Variants in FAM171A1 observed in about 807,000 individuals in gnomAD.
FAM171A1 encodes the protein protein FAM171A1.
FAM171A1 carries 23 observed loss-of-function variants against 74.9 expected under a neutral mutation model. The ratio of observed to expected loss-of-function variants is 0.31; its 90% CI spans 0.22 to 0.44. The LOEUF is 0.44. FAM171A1 is among the 20% of genes least tolerant of loss of function. The pLI is 1.00. For missense variants in FAM171A1, 1,162 were observed against 1,159.2 expected (o/e 1.00, Z -0.03); for synonymous variants, 527 against 505.7 (o/e 1.04, Z -0.57).
rs368440192 is a variant in FAM171A1, at chr10:15,245,191, G to A, written c.754+3448C>T. Among the ~76,000 whole-genome samples, 17 of 152,090 alleles carry A rather than the reference G, an allele frequency of 1.1e-4. No individual in the cohort carries two copies. In the South Asian group the frequency reaches 3.3e-3, roughly 30 times the overall value. On this transcript the variant is annotated intron_variant, in intron 5 of 7. Coordinates refer to ENST00000378116, the MANE Select transcript of FAM171A1 (RefSeq NM_001010924.2). Reference sequence around the variant, plus strand: ...AGTGATTCTCCTGCCTCAGCCTCTGGCGTAGCTGGGATTATAGGCATGCAC... The same window carrying A: ...AGTGATTCTCCTGCCTCAGCCTCTGACGTAGCTGGGATTATAGGCATGCAC...
chr10:15,281,575 A>T (rs1487554968), intron 2 of FAM171A1, among the ~76,000 whole-genome samples: 2 of 152,180 alleles, frequency 1.3e-5, no homozygotes, highest in South Asian at 4.1e-4. Flanking sequence ...AATAGTACAG[A>T]TATCAGCCGG....
chr10:15,246,475 T>C (rs1002851160), intron 5 of FAM171A1, among the ~76,000 whole-genome samples: 87 of 152,336 alleles, frequency 5.7e-4, no homozygotes, highest in Admixed American at 1.5e-3. Flanking sequence ...CCCAATTATC[T>C]TCATGCATGG....
chr10:15,233,933 A>C (rs1387449168), intron 5 of FAM171A1, among the ~76,000 whole-genome samples: 2 of 151,358 alleles, frequency 1.3e-5, no homozygotes, highest in Non-Finnish European at 2.9e-5. Context: ...GACATCAAAA[A>C]TGTGATACAT....
intron 3 of FAM171A1, among the ~76,000 whole-genome samples, chr10:15,274,961 A>T (rs1054725026): frequency 7.2e-5 from 11 of 152,192 alleles, no homozygotes; most frequent in Non-Finnish European, 1.3e-4. Flanking sequence ...AGGGACATGG[A>T]TGAAGCTGGA....
At chr10:15,361,385 T>C (rs982548580) in intron 1 of FAM171A1, among the ~76,000 whole-genome samples, 2 of 152,136 alleles carry the variant, frequency 1.3e-5, no homozygotes, top group African/African-American at 4.8e-5. Flanking sequence ...ATGGCTGTTC[T>C]TGAAATCAGA....
chr10:15,226,932 A>G (rs1834116200), intron 5 of FAM171A1, among the ~76,000 whole-genome samples: 1 of 152,140 alleles, frequency 6.6e-6, no homozygotes, highest in African/African-American at 2.4e-5. Context: ...ACCTTATTAC[A>G]GTTCTGTCTG....
intron 1 of FAM171A1, 68 bp downstream of exon 1, chr10:15,370,888 C>T: frequency 1.2e-6 from 1 of 818,632 alleles, no homozygotes; most frequent in Non-Finnish European, 1.5e-6. Context: ...CCGCCGCCGC[C>T]GCCGCCGCCG....
chr10:15,326,916 C>T (rs1030755930), intron 1 of FAM171A1, among the ~76,000 whole-genome samples: 2 of 152,172 alleles, frequency 1.3e-5, no homozygotes, highest in African/African-American at 2.4e-5. Flanking sequence ...GCGTGGCCCA[C>T]GACACTCCGG....
At chr10:15,272,001 C>A (rs923816586) in intron 3 of FAM171A1, among the ~76,000 whole-genome samples, 4 of 152,186 alleles carry the variant, frequency 2.6e-5, no homozygotes, top group African/African-American at 7.2e-5. Context: ...AACCAGCTAA[C>A]ATCATAATGA....
At chr10:15,321,149 G>A (rs1224945267) in intron 1 of FAM171A1, among the ~76,000 whole-genome samples, 1 of 152,150 alleles carries the variant, frequency 6.6e-6, no homozygotes, top group African/African-American at 2.4e-5. Context: ...AGATAATACG[G>A]CATATGTTTT....
intron 5 of FAM171A1, among the ~76,000 whole-genome samples, chr10:15,234,950 C>A (rs957307735): frequency 6.6e-6 from 1 of 152,132 alleles, no homozygotes; most frequent in African/African-American, 2.4e-5. Context: ...GCGTGAGCCA[C>A]CGTGCCGGGC....
Position 15,283,913 on chromosome 10 carries a change from G to A in FAM171A1, c.290C>T (p.Pro97Leu). ...GATTGGCTTCCATGGGGCAGAGTTT[G>A]GCACGTAGGCATGCTTCGAGGCGGT... ...IVTASKHAYV[P>L]NSAPWKPIRL... The change falls in exon 2 of 8, where the codon CCA (proline) becomes CTA (leucine). Residue 97 changes from proline (P) to leucine (L), a missense_variant. Physicochemically the swap from Pro to Leu is moderately conservative, Grantham distance 98. Coordinates refer to ENST00000378116, the MANE Select transcript of FAM171A1 (RefSeq NM_001010924.2). 6.2e-7 allele frequency: 1 copy of A among 1,614,212 alleles called. No individual in the cohort carries two copies. The highest frequency in any genetic ancestry group is 8.5e-7 in the Non-Finnish European group (1 of 1,180,026).
In FAM171A1 at chr10:15,301,363, T is replaced by TATATATA. The variant is rs386361679; in HGVS notation, c.98-17259_98-17258insTATATAT. Among the ~76,000 whole-genome samples the TATATATA allele has an allele frequency of 3.1e-3, 376 of 119,736 alleles. 2 individuals are homozygous for TATATATA. Among genetic ancestry groups the TATATATA allele is most frequent in the African/African-American group, 0.011 (339 of 30,460 alleles). The allele number at this position is 119,736 out of a possible 152,430, so 78.6% of individuals were successfully genotyped here. ...GCCCAGCTATATATATATATATATA[T>TATATATA]TTTTTTTTTTTGTATTTTTAGTAGA... On this transcript the variant is annotated intron_variant, in intron 1 of 7. Coordinates refer to ENST00000378116, the MANE Select transcript of FAM171A1 (RefSeq NM_001010924.2).
At chr10:15,275,740 G>C (rs186981190) in intron 3 of FAM171A1, 115 bp downstream of exon 3, 4 of 615,428 alleles carry the variant, frequency 6.5e-6, no homozygotes, top group Non-Finnish European at 1.1e-5. Context: ...TAATGTGTTT[G>C]ATTTAATCAA....
Position 15,229,227 on chromosome 10 carries a change from G to A in FAM171A1, c.755-8167C>T, listed in dbSNP as rs558291002. ...AGGTCACTTGTGCTGGTGCAGGCAT[G>A]GCCTTGGATTGGGGAACCTGCTGTT... On this transcript the variant is annotated intron_variant, in intron 5 of 7. Coordinates refer to ENST00000378116, the MANE Select transcript of FAM171A1 (RefSeq NM_001010924.2). Among the ~76,000 whole-genome samples the A allele has an allele frequency of 2.0e-4, 31 of 152,310 alleles. No individual in the cohort carries two copies. The South Asian group carries it at 6.2e-3, about 31-fold the overall frequency.
At chr10:15,286,128 G>C (rs1490730063) in intron 1 of FAM171A1, among the ~76,000 whole-genome samples, 1 of 152,188 alleles carries the variant, frequency 6.6e-6, no homozygotes, top group Non-Finnish European at 1.5e-5. Context: ...ACAAGCTACT[G>C]CAATTGTGTC....
intron 3 of FAM171A1, among the ~76,000 whole-genome samples, chr10:15,269,572 C>T (rs980370029): frequency 2.0e-5 from 3 of 152,186 alleles, no homozygotes; most frequent in African/African-American, 7.2e-5. Context: ...ATCATGTTTA[C>T]AGACATCACA....
chr10:15,269,036 T>TCAAACAAA (rs34821162), intron 3 of FAM171A1, among the ~76,000 whole-genome samples: 85 of 150,722 alleles, frequency 5.6e-4, no homozygotes, highest in Non-Finnish European at 1.1e-3. Flanking sequence ...AGACTCTGTC[T>TCAAACAAA]CAAACAAACA....
chr10:15,228,931 G>C (rs1834145802), intron 5 of FAM171A1, among the ~76,000 whole-genome samples: 1 of 152,166 alleles, frequency 6.6e-6, no homozygotes, highest in African/African-American at 2.4e-5. Flanking sequence ...ACACTAAATG[G>C]CCTCGTCATT....
Sources: gnomAD v4.1 joint callset for allele counts (sites outside exome capture counted in the v4.1 genomes callset) on GRCh38, gnomAD v4.1.1 for gene constraint, MANE v1.5 for transcripts, NCBI Gene and HGNC (gene_info 2026-07-23, HGNC 2026-07-21) for gene names.